The following PLEKHM2 variants were observed in gnomAD, a reference collection of about 807,000 sequenced individuals.
PLEKHM2 encodes pleckstrin homology domain-containing family M member 2.
Under a neutral mutation model 116.3 loss-of-function variants are expected in PLEKHM2, and 77 were observed. That is an observed-to-expected ratio of 0.66 (90% CI 0.55 to 0.80). The LOEUF is 0.80. Ranked by LOEUF, PLEKHM2 falls within the 30% of genes least tolerant of loss-of-function variation. PLEKHM2 has a pLI of 0.00. For synonymous variants in PLEKHM2, 562 were observed against 571.0 expected, an observed-to-expected ratio of 0.98 and a Z score of 0.22; for missense variants, 1,183 against 1,354.9, an observed-to-expected ratio of 0.87 and a Z score of 1.99.
intron 1 of PLEKHM2, among the ~76,000 whole-genome samples, chr1:15,697,390 C>A (rs1275298074): frequency 1.3e-5 from 2 of 152,208 alleles, no homozygotes; most frequent in Non-Finnish European, 2.9e-5. Flanking sequence ...GTCCTCGGTC[C>A]CTCCGTAAGA....
At chr1:15,696,443 TG>T (rs2148335786) in intron 1 of PLEKHM2, among the ~76,000 whole-genome samples, 2 of 152,276 alleles carry the variant, frequency 1.3e-5, no homozygotes, top group African/African-American at 4.8e-5. Context: ...CTCCGTCTCC[TG>T]GGTTCAAGCA....
chr1:15,732,571 G>A, intron 18 of PLEKHM2, 41 bp from the exon 19 acceptor site: 1 of 1,602,904 alleles, frequency 6.2e-7, no homozygotes, highest in Middle Eastern at 1.7e-4. Flanking sequence ...CCTGCAGAAG[G>A]AAAGCTCTGG....
intron 3 of PLEKHM2, among the ~76,000 whole-genome samples, 185 bp from the exon 4 acceptor site, chr1:15,717,708 C>T (rs945142914): frequency 6.6e-6 from 1 of 152,218 alleles, no homozygotes; most frequent in African/African-American, 2.4e-5. Flanking sequence ...TCCTGGCCAG[C>T]TACATGCTGA....
At chr1:15,699,742 T>A (rs1015089567) in intron 1 of PLEKHM2, among the ~76,000 whole-genome samples, 3 of 152,104 alleles carry the variant, frequency 2.0e-5, no homozygotes, top group African/African-American at 7.2e-5. Flanking sequence ...GGAGGATCGC[T>A]TGAGCCCAGG....
intron 6 of PLEKHM2, chr1:15,720,575 C>G: frequency 1.6e-6 from 1 of 630,526 alleles, no homozygotes; most frequent in Non-Finnish European, 1.9e-6. Context: ...ATAAAACTGG[C>G]CATTTTCCCC....
rs1485724086 is a variant in PLEKHM2, at chr1:15,729,881, G to A, written c.2160G>A (p.Met720Ile). Residue 720 changes from methionine (M) to isoleucine (I), a missense_variant, in exon 14 of 20, where the codon ATG becomes ATA. By Grantham distance (10) the Met-to-Ile change is conservative (BLOSUM62 1). Transcript: ENST00000375799. This position sits in a 1 kb window ranked among gnomAD's most constrained non-coding sequence, Gnocchi z 4.7. ...CCAGCATCCTGACGGATGCCACCATGGAGAAGCTGGCACTGGCCAAATTTG... is the reference window on the plus strand; with the variant it reads ...CCAGCATCCTGACGGATGCCACCATAGAGAAGCTGGCACTGGCCAAATTTG... ...PYPSILTDAT[M>I]EKLALAKFVA... is the part of the protein sequence containing the mutation. The A allele has an allele frequency of 1.2e-6, 2 of 1,613,142 alleles. No individual in the cohort carries two copies. Among genetic ancestry groups the A allele is most frequent in the Non-Finnish European group, 1.7e-6 (2 of 1,179,566 alleles).
At chr1:15,693,298 C>T (rs1640924968) in intron 1 of PLEKHM2, among the ~76,000 whole-genome samples, 1 of 152,248 alleles carries the variant, frequency 6.6e-6, no homozygotes, top group Non-Finnish European at 1.5e-5. Flanking sequence ...GCCTTGGCCT[C>T]CCAAAGTGCT....
intron 1 of PLEKHM2, among the ~76,000 whole-genome samples, chr1:15,698,357 C>T (rs1641040881): frequency 1.3e-5 from 2 of 151,994 alleles, no homozygotes; most frequent in South Asian, 2.1e-4. Context: ...GTGTGTGCCA[C>T]CAGGCCTGGC....
chr1:15,727,612 C>T lies in PLEKHM2; in HGVS notation c.1540C>T (p.Pro514Ser). The change falls in exon 9 of 20, where the codon CCT (proline) becomes TCT (serine). Residue 514 changes from proline (P) to serine (S), a missense_variant. Physicochemically the swap from Pro to Ser is moderately conservative, Grantham distance 74. Around this residue, in one of 3 missense-constraint regions of PLEKHM2, gnomAD observed 594 missense variants for 720.1 expected, o/e 0.82. Coordinates refer to ENST00000375799, the MANE Select transcript of PLEKHM2 (RefSeq NM_015164.4). This position sits in a 1 kb window ranked among gnomAD's most constrained non-coding sequence, Gnocchi z 7.5. ...GGGAGGAGGAGGAGAGGGACAGACG[C>T]CTCGGCCCCTAGAGGATACCACGAG... ...EEGGGGEGQT[P>S]RPLEDTTREA... 2.5e-6 allele frequency: 4 copies of T among 1,585,770 alleles called. No individual in the cohort carries two copies. Among genetic ancestry groups the T allele is most frequent in the Middle Eastern group, 1.7e-4 (1 of 6,038 alleles).
intron 15 of PLEKHM2, 60 bp downstream of exon 15, chr1:15,730,782 G>T: frequency 1.5e-6 from 2 of 1,371,822 alleles, no homozygotes; most frequent in South Asian, 2.6e-5. Flanking sequence ...GGGCTGTCAG[G>T]TCCCCAGCGG....
At chr1:15,688,667 A>C (rs1420394642) in intron 1 of PLEKHM2, among the ~76,000 whole-genome samples, 1 of 145,962 alleles carries the variant, frequency 6.9e-6, no homozygotes, top group Non-Finnish European at 1.5e-5. Flanking sequence ...AAAAAAAAAA[A>C]GGAAATGATA....
chr1:15,713,629 T>TG (rs1301313492), intron 1 of PLEKHM2, among the ~76,000 whole-genome samples: 31 of 145,290 alleles, frequency 2.1e-4, no homozygotes, highest in African/African-American at 8.5e-4. Context: ...TTTGTTTGTT[T>TG]GTTTGTTTTT....
chr1:15,724,983 G>A (rs2068043187), intron 7 of PLEKHM2, among the ~76,000 whole-genome samples: 1 of 152,194 alleles, frequency 6.6e-6, no homozygotes, highest in Non-Finnish European at 1.5e-5. Flanking sequence ...ACCCATGGAG[G>A]CCTCGAAGTC....
intron 1 of PLEKHM2, among the ~76,000 whole-genome samples, chr1:15,703,539 T>C (rs1347842480): frequency 1.3e-5 from 2 of 152,198 alleles, no homozygotes; most frequent in Admixed American, 6.5e-5. Context: ...GGAACTGTCT[T>C]ATGTTCATTT....
rs2068100309 is a variant in PLEKHM2, at chr1:15,728,805, G to T, written c.1986+72G>T. On this transcript the variant is annotated intron_variant, in intron 12 of 19. Transcript: ENST00000375799. The surrounding 1 kb of genome is among the most constrained non-coding windows in gnomAD (Gnocchi z 5.9). ...TCTCAAGCCACTTACCCATAGAACT[G>T]CAGGGCGAGGCACGGCCCCTTACTC... The T allele has an allele frequency of 2.2e-6, 3 of 1,359,246 alleles. No individual in the cohort carries two copies. The highest frequency in any genetic ancestry group is 2.5e-5 in the East Asian group (1 of 40,518). 84.2% of individuals were successfully genotyped at this position (1,359,246 alleles called of 1,614,324 possible).
At chr1:15,716,638 G>T in intron 2 of PLEKHM2, 69 bp from the exon 3 acceptor site, 1 of 1,516,070 alleles carries the variant, frequency 6.6e-7, no homozygotes, top group South Asian at 1.2e-5. Flanking sequence ...CTCACTGCTG[G>T]ACCAGCCGAC....
At chr1:15,710,176 G>A (rs1368299856) in intron 1 of PLEKHM2, among the ~76,000 whole-genome samples, 2 of 146,246 alleles carry the variant, frequency 1.4e-5, no homozygotes, top group Admixed American at 6.9e-5. Flanking sequence ...GCAGTGAGCC[G>A]AGATCGCGCC....
At chr1:15,708,881 G>A (rs1378300486) in intron 1 of PLEKHM2, among the ~76,000 whole-genome samples, 2 of 152,190 alleles carry the variant, frequency 1.3e-5, no homozygotes, top group East Asian at 1.9e-4. Context: ...GTGTGTCATC[G>A]TCATCATAGC....
chr1:15,731,705 C>T (rs560415950), intron 16 of PLEKHM2, among the ~76,000 whole-genome samples, 184 bp from the exon 17 acceptor site: 6 of 152,100 alleles, frequency 3.9e-5, no homozygotes, highest in Non-Finnish European at 5.9e-5. Context: ...CACAGCAAGG[C>T]GGTGGGTGGG....
Sources: gnomAD v4.1 joint callset for allele counts (sites outside exome capture counted in the v4.1 genomes callset) on GRCh38, gnomAD v4.1.1 for gene constraint, gnomAD v4.1.1 regional missense constraint, Gnocchi (gnomAD v3.1) non-coding constraint, MANE v1.5 for transcripts, NCBI Gene and HGNC (gene_info 2026-07-23, HGNC 2026-07-21) for gene names.